Variants in UBE2G1 observed in about 807,000 individuals in gnomAD.
UBE2G1 encodes the protein ubiquitin-conjugating enzyme E2 G1.
In UBE2G1, 5 loss-of-function variants were observed where a neutral mutation model predicts 22.7. The observed-to-expected ratio is 0.22, with a 90% confidence interval of 0.12 to 0.46. UBE2G1 has a LOEUF of 0.46. Ranked by LOEUF, UBE2G1 falls within the 20% of genes least tolerant of loss-of-function variation. The probability of loss-of-function intolerance (pLI) is 0.99; values close to 1 mark genes in which losing one functional copy is unlikely to be tolerated. For missense variants in UBE2G1, 88 were observed against 203.9 expected (o/e 0.43, Z 3.46); for synonymous variants, 74 against 67.5 (o/e 1.10, Z -0.47).
At chr17:4,352,845 C>T (rs764719195) in intron 1 of UBE2G1, among the ~76,000 whole-genome samples, 2 of 152,072 alleles carry the variant, frequency 1.3e-5, no homozygotes, top group Non-Finnish European at 2.9e-5. Context: ...GAGGCCGAGG[C>T]GGGCAGACTG....
intron 1 of UBE2G1, among the ~76,000 whole-genome samples, chr17:4,327,293 T>C (rs2143770459): frequency 6.7e-6 from 1 of 148,564 alleles, no homozygotes; most frequent in African/African-American, 2.5e-5. Flanking sequence ...CAAGACTCTG[T>C]CTCAAAAAAA....
Position 4,293,845 on chromosome 17 carries a change from C to G in UBE2G1, c.247+2872G>C, listed in dbSNP as rs533600198. On this transcript the variant is annotated intron_variant, in intron 3 of 5. Coordinates refer to ENST00000396981, the MANE Select transcript of UBE2G1 (RefSeq NM_003342.5). Reference sequence around the variant, plus strand: ...AGTCAAAGAAACTAAATTACCCTTCCTGCAACACTATTCTTAGTTCAAGTT... The same window carrying G: ...AGTCAAAGAAACTAAATTACCCTTCGTGCAACACTATTCTTAGTTCAAGTT... Among the ~76,000 whole-genome samples, 8 of 152,288 alleles carry G rather than the reference C, an allele frequency of 5.3e-5. No individual in the cohort carries two copies. The East Asian group carries it at 1.4e-3, about 26-fold the overall frequency.
At chr17:4,298,482 A>G (rs771710887) in intron 2 of UBE2G1, among the ~76,000 whole-genome samples, 6 of 152,222 alleles carry the variant, frequency 3.9e-5, no homozygotes, top group Non-Finnish European at 8.8e-5. Context: ...TGAACTGTTC[A>G]CAAGCAAGTA....
At chr17:4,356,931 G>A (rs1437830414) in intron 1 of UBE2G1, among the ~76,000 whole-genome samples, 5 of 151,994 alleles carry the variant, frequency 3.3e-5, no homozygotes, top group Admixed American at 6.6e-5. Context: ...TAGGACAAGG[G>A]GGAACTGTAC....
chr17:4,341,478 C>T (rs756724545), intron 1 of UBE2G1, among the ~76,000 whole-genome samples: 3 of 152,110 alleles, frequency 2.0e-5, no homozygotes, highest in Non-Finnish European at 2.9e-5. Flanking sequence ...CTCAAAGACA[C>T]TGCTCCAGAA....
At chr17:4,306,086 A>G (rs1376372437) in intron 2 of UBE2G1, among the ~76,000 whole-genome samples, 1 of 152,198 alleles carries the variant, frequency 6.6e-6, no homozygotes, top group African/African-American at 2.4e-5. Flanking sequence ...AACTTTCAAT[A>G]AACTAGGAGA....
chr17:4,358,243 C>A (rs1221596918), intron 1 of UBE2G1, among the ~76,000 whole-genome samples: 1 of 152,048 alleles, frequency 6.6e-6, no homozygotes, highest in Non-Finnish European at 1.5e-5. Context: ...ATGTCCTCTT[C>A]AGTGAAATGT....
intron 1 of UBE2G1, among the ~76,000 whole-genome samples, chr17:4,312,019 G>C (rs1164286560): frequency 1.3e-5 from 1 of 79,218 alleles, no homozygotes; most frequent in Non-Finnish European, 2.7e-5. Flanking sequence ...TGCCAAGGCG[G>C]GTGGATCATC....
chr17:4,339,608 GCTCTTAA>G (rs1969688390), intron 1 of UBE2G1, among the ~76,000 whole-genome samples: 2 of 152,058 alleles, frequency 1.3e-5, no homozygotes, highest in African/African-American at 4.8e-5. Context: ...CCTGGCTCAA[GCTCTTAA>G]CTCTTTTGGG....
At chr17:4,301,920 C>T (rs1969184934) in intron 2 of UBE2G1, 2 of 488,654 alleles carry the variant, frequency 4.1e-6, no homozygotes, top group Non-Finnish European at 8.2e-6. Context: ...CACACAACCC[C>T]TGGGGTCACA....
intron 2 of UBE2G1, among the ~76,000 whole-genome samples, chr17:4,303,633 A>G (rs1969215425): frequency 6.6e-6 from 1 of 152,192 alleles, no homozygotes; most frequent in South Asian, 2.1e-4. Context: ...TTTCCAAGCA[A>G]TGTAGGCACT....
At chr17:4,292,250 TG>T (rs1399190253) in intron 3 of UBE2G1, among the ~76,000 whole-genome samples, 3 of 142,016 alleles carry the variant, frequency 2.1e-5, no homozygotes, top group Non-Finnish European at 3.0e-5. Flanking sequence ...TGCTTGAACC[TG>T]GGAGGCGGAG....
chr17:4,296,583 G>T, intron 3 of UBE2G1, 134 bp downstream of exon 3: 2 of 884,482 alleles, frequency 2.3e-6, no homozygotes, highest in Non-Finnish European at 3.7e-6. Context: ...TTAGTACACA[G>T]CCATGTGCAC....
intron 1 of UBE2G1, chr17:4,345,669 A>G (rs977857375): frequency 6.6e-6 from 1 of 152,196 alleles, no homozygotes; most frequent in African/African-American, 2.4e-5. Flanking sequence ...GATATCTGGT[A>G]CTCCATTGCA....
chr17:4,366,179 G>C (rs1414043412), intron 1 of UBE2G1, 92 bp downstream of exon 1: 3 of 1,373,074 alleles, frequency 2.2e-6, no homozygotes, highest in Non-Finnish European at 1.9e-6. Flanking sequence ...CCCTTCGGCA[G>C]TACGGCCGCT....
At chr17:4,301,170 T>C (rs1198965389) in intron 2 of UBE2G1, among the ~76,000 whole-genome samples, 1 of 152,184 alleles carries the variant, frequency 6.6e-6, no homozygotes, top group Non-Finnish European at 1.5e-5. Context: ...TAATCTATAG[T>C]CCTGTTGTAG....
At chr17:4,324,658 TCCTC>T (rs35066726) in intron 1 of UBE2G1, among the ~76,000 whole-genome samples, 42 of 152,052 alleles carry the variant, frequency 2.8e-4, no homozygotes, top group Non-Finnish European at 5.3e-4. Flanking sequence ...ATTCAAGTGA[TCCTC>T]CCAACTCAGC....
At chr17:4,293,226 A>T (rs1382198020) in intron 3 of UBE2G1, among the ~76,000 whole-genome samples, 1 of 152,206 alleles carries the variant, frequency 6.6e-6, no homozygotes, top group East Asian at 1.9e-4. Flanking sequence ...ATATAAAGGG[A>T]ATCGTACACT....
intron 1 of UBE2G1, among the ~76,000 whole-genome samples, chr17:4,335,688 G>A (rs1352363521): frequency 2.6e-5 from 4 of 152,012 alleles, no homozygotes; most frequent in Non-Finnish European, 4.4e-5. Flanking sequence ...TCAATCAATG[G>A]TACGTCATAG....
Sources: gnomAD v4.1 joint callset for allele counts (sites outside exome capture counted in the v4.1 genomes callset) on GRCh38, gnomAD v4.1.1 for gene constraint, MANE v1.5 for transcripts, NCBI Gene and HGNC (gene_info 2026-07-23, HGNC 2026-07-21) for gene names.